Variants in SAMSN1 observed in about 807,000 individuals in gnomAD.
SAMSN1 encodes the protein SAM domain-containing protein SAMSN-1.
A neutral mutation model predicts 42.0 loss-of-function variants in SAMSN1; 31 were observed. That is an observed-to-expected ratio of 0.74 (90% confidence interval 0.55 to 1.00). The LOEUF (loss-of-function observed/expected upper bound fraction) is 1.00, where lower values mean the gene tolerates loss of function less well. Ranked by LOEUF, SAMSN1 falls within the 50% of genes least tolerant of loss-of-function variation. The pLI is 0.00. For missense variants in SAMSN1, 464 were observed against 439.4 expected, an observed-to-expected ratio of 1.06 and a Z score of -0.50; for synonymous variants, 178 against 151.9, an observed-to-expected ratio of 1.17 and a Z score of -1.26.
intron 5 of SAMSN1, among the ~76,000 whole-genome samples, chr21:14,505,595 TA>T (rs1032741329): frequency 1.3e-5 from 2 of 152,242 alleles, no homozygotes; most frequent in African/African-American, 4.8e-5. Flanking sequence ...CTCAAATTTG[TA>T]AAACAATTAC....
chr21:14,490,320 C>T (rs1290930924), intron 7 of SAMSN1, among the ~76,000 whole-genome samples: 6 of 152,026 alleles, frequency 3.9e-5, no homozygotes, highest in East Asian at 1.9e-4. Flanking sequence ...ATGAGAATAC[C>T]TCTCAGCTCC....
upstream of SAMSN1, among the ~76,000 whole-genome samples, chr21:14,587,103 C>T (rs1415173913): frequency 2.0e-5 from 3 of 152,148 alleles, no homozygotes; most frequent in Non-Finnish European, 4.4e-5. Context: ...TCTCTCTCTA[C>T]TGAATTTTGA....
intron 6 of SAMSN1, among the ~76,000 whole-genome samples, chr21:14,595,591 CTTTA>C (rs1982236154): frequency 6.6e-6 from 1 of 152,084 alleles, no homozygotes; most frequent in Admixed American, 6.6e-5. Context: ...GAGTATGCTC[CTTTA>C]TTTAAATATT....
intron 1 of SAMSN1, 131 bp from the exon 2 acceptor site, chr21:14,521,352 C>T: frequency 1.7e-6 from 1 of 583,912 alleles, no homozygotes; most frequent in South Asian, 2.5e-5. Context: ...GCTCTTCTCT[C>T]TGGAATATCC....
At chr21:14,623,057 G>C (rs999377160) in intron 2 of SAMSN1, among the ~76,000 whole-genome samples, 1 of 152,164 alleles carries the variant, frequency 6.6e-6, no homozygotes, top group Non-Finnish European at 1.5e-5. Flanking sequence ...ATCCTTTACA[G>C]ACAAGCAAAT....
At chr21:14,545,888 CAAG>C (rs1310388093) in intron 1 of SAMSN1, among the ~76,000 whole-genome samples, 1 of 152,106 alleles carries the variant, frequency 6.6e-6, no homozygotes, top group Non-Finnish European at 1.5e-5. Context: ...TAAAAACATG[CAAG>C]AAGATTTTAT....
chr21:14,592,983 TAGCAAGGGC>T, intron 7 of SAMSN1, among the ~76,000 whole-genome samples: 1 of 110,928 alleles, frequency 9.0e-6, no homozygotes, highest in Non-Finnish European at 2.2e-5. Flanking sequence ...GCATGAGAAA[TAGCAAGGGC>T]AGATCTCAAT....
chr21:14,575,645 C>T (rs1981435310), intron 2 of SAMSN1, among the ~76,000 whole-genome samples: 1 of 152,194 alleles, frequency 6.6e-6, no homozygotes, highest in South Asian at 2.1e-4. Flanking sequence ...TCATAGTCTA[C>T]CTTCTTCCGG....
chr21:14,601,141 T>C (rs1278361898), intron 6 of SAMSN1, among the ~76,000 whole-genome samples: 1 of 152,198 alleles, frequency 6.6e-6, no homozygotes, highest in African/African-American at 2.4e-5. Context: ...CTCTGTCTGA[T>C]ATCAGAGCTC....
Position 14,512,662 on chromosome 21 carries a change from T to C in SAMSN1, c.280-89A>G, listed in dbSNP as rs1018611884. Reference sequence around the variant, plus strand: ...ACATTGATTTAATAGACACATATTTTAGCAATAAAATACTTAAGGATACAT... The same window carrying C: ...ACATTGATTTAATAGACACATATTTCAGCAATAAAATACTTAAGGATACAT... On this transcript the variant is annotated intron_variant, in intron 3 of 7. Transcript: ENST00000400566. 20 of 1,263,330 alleles carry C rather than the reference T, an allele frequency of 1.6e-5. No individual in the cohort carries two copies. In the Admixed American group the frequency reaches 3.3e-4, roughly 21 times the overall value. 78.3% of individuals were successfully genotyped at this position (1,263,330 alleles called of 1,614,324 possible).
intron 1 of SAMSN1, among the ~76,000 whole-genome samples, chr21:14,545,425 T>C (rs1018719647): frequency 9.9e-5 from 15 of 152,266 alleles, no homozygotes; most frequent in African/African-American, 3.6e-4. Context: ...AGAAAAGAAA[T>C]GTACAAGTAT....
At chr21:14,606,075 C>T (rs1033881196) in intron 5 of SAMSN1, among the ~76,000 whole-genome samples, 2 of 152,082 alleles carry the variant, frequency 1.3e-5, no homozygotes, top group African/African-American at 4.8e-5. Flanking sequence ...CTCCTGACCT[C>T]ATGATCCGCC....
chr21:14,545,931 G>C (rs1022762083), intron 1 of SAMSN1, among the ~76,000 whole-genome samples: 1 of 152,112 alleles, frequency 6.6e-6, no homozygotes, highest in Non-Finnish European at 1.5e-5. Flanking sequence ...CCACTAAATT[G>C]ATTTTCTTGA....
At chr21:14,535,929 A>G (rs1469105951) in intron 1 of SAMSN1, among the ~76,000 whole-genome samples, 1 of 152,202 alleles carries the variant, frequency 6.6e-6, no homozygotes. Context: ...TAGCAAACTA[A>G]TACAGACTAA....
upstream of SAMSN1, among the ~76,000 whole-genome samples, chr21:14,548,625 T>C (rs1037210591): frequency 7.2e-5 from 11 of 152,170 alleles, no homozygotes; most frequent in African/African-American, 2.2e-4. Context: ...CCAATCTTTC[T>C]TTCACTCAAG....
chr21:14,622,901 A>G (rs1983052896), intron 2 of SAMSN1, among the ~76,000 whole-genome samples: 1 of 152,264 alleles, frequency 6.6e-6, no homozygotes, highest in Admixed American at 6.5e-5. Flanking sequence ...AGGGAAGCCC[A>G]TCTGACTAAC....
intron 5 of SAMSN1, among the ~76,000 whole-genome samples, chr21:14,508,080 C>A (rs182267698): frequency 1.4e-4 from 21 of 152,254 alleles, no homozygotes; most frequent in Admixed American, 6.5e-4. Flanking sequence ...CGACTTAAAT[C>A]TAAGATCTGA....
At chr21:14,590,200 T>C (rs1982038087) in intron 7 of SAMSN1, among the ~76,000 whole-genome samples, 2 of 152,160 alleles carry the variant, frequency 1.3e-5, no homozygotes, top group Admixed American at 1.3e-4. Flanking sequence ...TATCTTTATA[T>C]ATTCTACTCT....
At chr21:14,512,787 A>T (rs1448593789) in intron 3 of SAMSN1, among the ~76,000 whole-genome samples, 1 of 152,250 alleles carries the variant, frequency 6.6e-6, no homozygotes, top group Non-Finnish European at 1.5e-5. Flanking sequence ...TTCTTTCTGT[A>T]AAATTCAGTT....
Sources: gnomAD v4.1 joint callset for allele counts (sites outside exome capture counted in the v4.1 genomes callset) on GRCh38, gnomAD v4.1.1 for gene constraint, MANE v1.5 for transcripts, NCBI Gene and HGNC (gene_info 2026-07-23, HGNC 2026-07-21) for gene names.